Variants in GTF2F2 observed in about 807,000 individuals in gnomAD.
The protein encoded by GTF2F2 is ATP-dependent helicase GTF2F2.
Under a neutral mutation model 42.2 loss-of-function variants are expected in GTF2F2, and 23 were observed. The observed-to-expected ratio is 0.55, with a 90% CI of 0.39 to 0.77. The LOEUF is 0.77. Among genes scored for constraint, GTF2F2 ranks in the 30% least tolerant of loss-of-function variants. GTF2F2 has a pLI of 0.00. For missense variants in GTF2F2, 261 were observed against 287.2 expected, an observed-to-expected ratio of 0.91 and a Z score of 0.66; for synonymous variants, 105 against 100.8, an observed-to-expected ratio of 1.04 and a Z score of -0.25.
chr13:45,162,850 C>T (rs1186694369), intron 4 of GTF2F2, among the ~76,000 whole-genome samples: 1 of 152,164 alleles, frequency 6.6e-6, no homozygotes, highest in South Asian at 2.1e-4. Flanking sequence ...CTATGCCTAA[C>T]AGCTGTATTT....
chr13:45,147,209 T>A (rs1297100184), intron 2 of GTF2F2, among the ~76,000 whole-genome samples: 1 of 152,196 alleles, frequency 6.6e-6, no homozygotes, highest in Non-Finnish European at 1.5e-5. Context: ...TCATTTCCTC[T>A]TCTCTTAGTT....
chr13:45,192,733 G>A (rs1333988631), intron 4 of GTF2F2: 2 of 152,160 alleles, frequency 1.3e-5, no homozygotes, highest in African/African-American at 4.8e-5. Context: ...AACTCACTGA[G>A]TCTGAGATTT....
At chr13:45,171,010 A>G (rs1477855569) in intron 4 of GTF2F2, among the ~76,000 whole-genome samples, 1 of 151,790 alleles carries the variant, frequency 6.6e-6, no homozygotes, top group African/African-American at 2.4e-5. Flanking sequence ...GTAGAGAGAA[A>G]GCAACGTTGC....
At chr13:45,272,347 A>G (rs1341392351) in intron 7 of GTF2F2, among the ~76,000 whole-genome samples, 3 of 150,540 alleles carry the variant, frequency 2.0e-5, no homozygotes, top group Admixed American at 6.6e-5. Context: ...AGAAGGACCA[A>G]TGATCTACTA....
chr13:45,156,602 C>CT (rs958238690), intron 4 of GTF2F2, among the ~76,000 whole-genome samples: 4 of 151,906 alleles, frequency 2.6e-5, no homozygotes, highest in African/African-American at 4.8e-5. Flanking sequence ...TTTTTTTAAT[C>CT]TTTTTTGCCA....
chr13:45,281,898 G>A (rs867759475), intron 7 of GTF2F2, among the ~76,000 whole-genome samples: 12 of 152,094 alleles, frequency 7.9e-5, no homozygotes, highest in Non-Finnish European at 1.2e-4. Flanking sequence ...CAAAAGAGTC[G>A]CTTTTAAATA....
chr13:45,147,031 C>G (rs892749521), intron 2 of GTF2F2, among the ~76,000 whole-genome samples: 3 of 152,154 alleles, frequency 2.0e-5, no homozygotes, highest in African/African-American at 7.2e-5. Context: ...ATTAACTCAT[C>G]TAGAGCTCAT....
rs755174457 is a variant in GTF2F2, at chr13:45,267,394, C to G, written c.630+18C>G. The G allele has an allele frequency of 6.6e-7, 1 of 1,526,116 alleles. No individual in the cohort carries two copies. The highest frequency in any genetic ancestry group is 8.9e-7 in the Non-Finnish European group (1 of 1,123,760). 94.5% of individuals were successfully genotyped at this position (1,526,116 alleles called of 1,614,324 possible). A position where few individuals can be genotyped will look rare whatever the true frequency, so the allele number is the denominator to read the frequency against. On this transcript the variant is annotated intron_variant, in intron 7 of 7. Transcript: ENST00000340473. ...AACCTGTGGTATGTATATGTTCATA[C>G]TGATCCTTTGAATATGCCCTCCTTC...
At chr13:45,220,133 A>G (rs771404332) in intron 5 of GTF2F2, among the ~76,000 whole-genome samples, 5 of 152,236 alleles carry the variant, frequency 3.3e-5, no homozygotes, top group Admixed American at 6.5e-5. Context: ...AAAGAAAGGA[A>G]TGAAAAGCAT....
chr13:45,193,789 T>G, intron 4 of GTF2F2: 1 of 1,577,224 alleles, frequency 6.3e-7, no homozygotes, highest in Non-Finnish European at 8.6e-7. Flanking sequence ...CACAGGTAAT[T>G]ACTTGATAAA....
chr13:45,140,215 G>A (rs1473832413), intron 2 of GTF2F2, among the ~76,000 whole-genome samples: 5 of 151,536 alleles, frequency 3.3e-5, no homozygotes, highest in Non-Finnish European at 7.4e-5. Flanking sequence ...AGCCCCTAAA[G>A]TGTGGGTGTT....
At chr13:45,140,498 A>G (rs143151762) in intron 2 of GTF2F2, among the ~76,000 whole-genome samples, 3 of 152,190 alleles carry the variant, frequency 2.0e-5, no homozygotes, top group African/African-American at 7.2e-5. Context: ...TAGATTTCTT[A>G]TCCTAAAAGT....
chr13:45,258,142 A>AT (rs371103730), intron 6 of GTF2F2, among the ~76,000 whole-genome samples: 2 of 152,190 alleles, frequency 1.3e-5, no homozygotes, highest in East Asian at 3.9e-4. Context: ...CAAAAAGGAA[A>AT]TTATCAGTAT....
intron 6 of GTF2F2, among the ~76,000 whole-genome samples, chr13:45,254,700 A>G (rs1876026810): frequency 1.3e-5 from 2 of 152,222 alleles, no homozygotes; most frequent in African/African-American, 4.8e-5. Flanking sequence ...AGCAGTTGCT[A>G]AAAGGGCTAA....
At chr13:45,133,811 C>T (rs1259134883) in intron 1 of GTF2F2, among the ~76,000 whole-genome samples, 2 of 152,030 alleles carry the variant, frequency 1.3e-5, no homozygotes, top group African/African-American at 4.8e-5. Flanking sequence ...TAGCCCACCC[C>T]TTTTTAAAGT....
At position 45,271,752 on chromosome 13, in the gene GTF2F2, A is replaced by G. The variant is rs564441529; in HGVS notation, c.630+4376A>G. ...TTTTTAGTAGAGATGGGGTTTTGCC[A>G]TGTTGGCCAGGCTGGTCTCAAACTC... On this transcript the variant is annotated intron_variant, in intron 7 of 7. Transcript: ENST00000340473. 1.0e-3 allele frequency among the ~76,000 whole-genome samples: 155 copies of G among 152,180 alleles called. 1 individual carries two copies. The highest frequency in any genetic ancestry group is 3.4e-3 in the African/African-American group (142 of 41,522).
At chr13:45,155,662 T>C (rs1439740759) in intron 4 of GTF2F2, among the ~76,000 whole-genome samples, 1 of 152,230 alleles carries the variant, frequency 6.6e-6, no homozygotes, top group Non-Finnish European at 1.5e-5. Context: ...TTCTTTCTAA[T>C]TCAGTGTTCC....
intron 4 of GTF2F2, among the ~76,000 whole-genome samples, chr13:45,165,806 CTTTTTTTT>C (rs5803286): frequency 2.3e-5 from 2 of 88,888 alleles, no homozygotes; most frequent in Non-Finnish European, 4.1e-5. Context: ...TCAGTACATT[CTTTTTTTT>C]TTTTTTTTTT....
intron 6 of GTF2F2, among the ~76,000 whole-genome samples, chr13:45,254,011 G>A (rs960900586): frequency 1.1e-4 from 17 of 150,294 alleles, no homozygotes; most frequent in African/African-American, 3.9e-4. Flanking sequence ...GCAGTGAGCC[G>A]AGATCACGCC....
Sources: gnomAD v4.1 joint callset for allele counts (sites outside exome capture counted in the v4.1 genomes callset) on GRCh38, gnomAD v4.1.1 for gene constraint, MANE v1.5 for transcripts, NCBI Gene and HGNC (gene_info 2026-07-23, HGNC 2026-07-21) for gene names.